SFXN5: variants seen among roughly 807,000 people sequenced by gnomAD.
The protein encoded by SFXN5 is sideroflexin-5.
A neutral mutation model predicts 50.2 loss-of-function variants in SFXN5; 43 were observed. That is an observed-to-expected ratio of 0.86 (90% CI 0.67 to 1.11). SFXN5 has a LOEUF of 1.11. Ranked by LOEUF, SFXN5 falls within the 50% of genes least tolerant of loss-of-function variation. The probability of loss-of-function intolerance (pLI) is 0.00; values close to 1 mark genes in which losing one functional copy is unlikely to be tolerated. For synonymous variants in SFXN5, 203 were observed against 185.8 expected, an observed-to-expected ratio of 1.09 and a Z score of -0.75; for missense variants, 463 against 454.1, an observed-to-expected ratio of 1.02 and a Z score of -0.18.
At chr2:73,038,644 C>T (rs1322289459) in intron 3 of SFXN5, among the ~76,000 whole-genome samples, 1 of 152,082 alleles carries the variant, frequency 6.6e-6, no homozygotes. Flanking sequence ...AAAATTTCTT[C>T]AATAAAATGA....
At chr2:72,974,517 G>T (rs1670390541) in intron 10 of SFXN5, among the ~76,000 whole-genome samples, 1 of 152,180 alleles carries the variant, frequency 6.6e-6, no homozygotes, top group Non-Finnish European at 1.5e-5. Context: ...ATCTCAGAAT[G>T]ATGGTACCTG....
At position 72,944,844 on chromosome 2, in the gene SFXN5, G is replaced by A; in HGVS notation, c.*178C>T. 1 of 585,198 alleles carries A rather than the reference G, an allele frequency of 1.7e-6. No individual in the cohort carries two copies. Among genetic ancestry groups the A allele is most frequent in the Non-Finnish European group, 3.1e-6 (1 of 327,322 alleles). 36.3% of individuals were successfully genotyped at this position (585,198 alleles called of 1,614,324 possible). On this transcript the variant is annotated 3_prime_UTR_variant, in exon 14 of 14. Transcript: ENST00000272433. ...TACGAAATGTGTTAGAACTCCTCTT[G>A]CCTATGTTAAAATGTGAATGGGTCA... is the stretch of plus-strand genomic sequence containing the variant.
At chr2:72,983,159 G>A (rs1398932875) in intron 10 of SFXN5, among the ~76,000 whole-genome samples, 1 of 152,198 alleles carries the variant, frequency 6.6e-6, no homozygotes, top group Non-Finnish European at 1.5e-5. Flanking sequence ...CACAAAGGGG[G>A]AGCAGTGGAG....
At chr2:72,990,138 G>A (rs902455650) in intron 9 of SFXN5, among the ~76,000 whole-genome samples, 11 of 152,228 alleles carry the variant, frequency 7.2e-5, no homozygotes, top group Admixed American at 6.5e-5. Flanking sequence ...GTGCTGGTCC[G>A]CCAGCCCCGG....
chr2:73,067,407 C>A (rs987593846), intron 1 of SFXN5, among the ~76,000 whole-genome samples: 1 of 152,112 alleles, frequency 6.6e-6, no homozygotes, highest in African/African-American at 2.4e-5. Flanking sequence ...TAGTAAAATT[C>A]AATGAAGTCT....
intron 3 of SFXN5, among the ~76,000 whole-genome samples, chr2:73,024,208 G>C (rs943335748): frequency 3.9e-5 from 6 of 151,972 alleles, no homozygotes; most frequent in African/African-American, 1.5e-4. Flanking sequence ...ATTTTTAGTA[G>C]AGACGGGGTT....
intron 1 of SFXN5, among the ~76,000 whole-genome samples, chr2:73,064,687 C>T (rs1683051608): frequency 6.6e-6 from 1 of 152,224 alleles, no homozygotes; most frequent in Non-Finnish European, 1.5e-5. Flanking sequence ...AGAGGGAGCC[C>T]TGTGCAACCA....
At chr2:72,969,701 T>TC (rs1194483229) in intron 11 of SFXN5, among the ~76,000 whole-genome samples, 1 of 151,964 alleles carries the variant, frequency 6.6e-6, no homozygotes, top group African/African-American at 2.4e-5. Flanking sequence ...GGCCTACTTT[T>TC]TTTTTTTTTT....
At chr2:73,055,598 CTTT>C (rs570909541) in intron 2 of SFXN5, among the ~76,000 whole-genome samples, 7 of 133,914 alleles carry the variant, frequency 5.2e-5, no homozygotes, top group East Asian at 2.1e-4. Flanking sequence ...TTTTCTTTTT[CTTT>C]TTTTTTTTTT....
At chr2:73,002,062 T>C (rs974148304) in intron 6 of SFXN5, among the ~76,000 whole-genome samples, 2 of 152,238 alleles carry the variant, frequency 1.3e-5, no homozygotes, top group African/African-American at 4.8e-5. Flanking sequence ...CGTAGGATTT[T>C]TGCGAGGATT....
intron 10 of SFXN5, among the ~76,000 whole-genome samples, chr2:72,985,620 G>A (rs1250277387): frequency 6.6e-6 from 1 of 152,142 alleles, no homozygotes; most frequent in Non-Finnish European, 1.5e-5. Flanking sequence ...TACCCAGCCA[G>A]GACTCAGCAG....
intron 3 of SFXN5, among the ~76,000 whole-genome samples, chr2:73,031,542 A>T (rs116058405): frequency 2.9e-3 from 435 of 152,256 alleles, no homozygotes; most frequent in African/African-American, 0.01. Flanking sequence ...AACTAATATA[A>T]CCCATTTGGG....
chr2:72,993,634 C>T (rs1672876678), intron 9 of SFXN5, among the ~76,000 whole-genome samples: 2 of 152,200 alleles, frequency 1.3e-5, no homozygotes, highest in South Asian at 4.1e-4. Flanking sequence ...CATCTGCAGG[C>T]TTCTGAACAC....
At position 73,043,199 on chromosome 2, in the gene SFXN5, A is replaced by T. The variant is rs140287027; in HGVS notation, c.172-2268T>A. ...CAAGGAAGCCCAGCATGGGGGAAGA[A>T]ACCCAGCGAAGCTGCTGTGTTCCCC... On this transcript the variant is annotated intron_variant, in intron 2 of 13. Transcript: ENST00000272433. Among the ~76,000 whole-genome samples, 191 of 152,392 alleles carry T rather than the reference A, an allele frequency of 1.3e-3. 1 individual carries two copies. The highest frequency in any genetic ancestry group is 4.2e-3 in the African/African-American group (176 of 41,604).
intron 10 of SFXN5, among the ~76,000 whole-genome samples, chr2:72,978,574 C>T (rs1444014753): frequency 6.6e-6 from 1 of 152,110 alleles, no homozygotes; most frequent in East Asian, 1.9e-4. Flanking sequence ...TGAGCCACCA[C>T]GCCCGGCCCA....
rs981031678 is a variant in SFXN5, at chr2:72,955,647, C to T, written c.945+5484G>A. Reference sequence around the variant, plus strand: ...GGAAGTGCTCCCAGGTAGGGAACACCGGCTGTCAGAGTTAGAGGGACATTT... The same window carrying T: ...GGAAGTGCTCCCAGGTAGGGAACACTGGCTGTCAGAGTTAGAGGGACATTT... On this transcript the variant is annotated intron_variant, in intron 13 of 13. Transcript: ENST00000272433. 2.6e-5 allele frequency among the ~76,000 whole-genome samples: 4 copies of T among 152,218 alleles called. 1 individual carries two copies. Among genetic ancestry groups the T allele is most frequent in the East Asian group, 1.9e-4 (1 of 5,188 alleles).
intron 6 of SFXN5, among the ~76,000 whole-genome samples, chr2:73,014,100 T>C (rs560497671): frequency 1.3e-5 from 2 of 152,324 alleles, no homozygotes; most frequent in South Asian, 4.1e-4. Context: ...TTTTCTTTCC[T>C]GTGTTAAGTA....
At chr2:73,010,179 T>G (rs1300224582) in intron 6 of SFXN5, among the ~76,000 whole-genome samples, 2 of 152,228 alleles carry the variant, frequency 1.3e-5, no homozygotes, top group Non-Finnish European at 2.9e-5. Context: ...CCTTATATAA[T>G]TGGGGATCAA....
rs535304259 is a variant in SFXN5, at chr2:72,952,998, G to C, written c.946-7899C>G. On this transcript the variant is annotated intron_variant, in intron 13 of 13. Coordinates refer to ENST00000272433, the MANE Select transcript of SFXN5 (RefSeq NM_144579.3). The stretch of plus-strand genomic sequence containing the variant: ...CTGGATTCAGCTAGGTGTCCTGGAA[G>C]GTCCTGGAAAAAAGAACTGTGGGGG... Among the ~76,000 whole-genome samples, 41 of 152,326 alleles carry C rather than the reference G, an allele frequency of 2.7e-4. No homozygotes were observed. The South Asian group carries it at 3.9e-3, about 15-fold the overall frequency.
Sources: allele counts gnomAD v4.1 joint callset (sites outside exome capture counted in the v4.1 genomes callset), GRCh38; gene constraint gnomAD v4.1.1; transcripts MANE v1.5; gene names NCBI Gene and HGNC (gene_info 2026-07-23, HGNC 2026-07-21).